ANKRD37: variants seen among roughly 807,000 people sequenced by gnomAD.
The protein encoded by ANKRD37 is ankyrin repeat domain-containing protein 37.
Under a neutral mutation model 19.7 loss-of-function variants are expected in ANKRD37, and 17 were observed. That is an observed-to-expected ratio of 0.86 (90% CI 0.59 to 1.29). The LOEUF (loss-of-function observed/expected upper bound fraction) is 1.29, where lower values mean the gene tolerates loss of function less well. Among genes scored for constraint, ANKRD37 ranks in the 50% most tolerant of loss-of-function variants. The pLI, the probability that ANKRD37 is intolerant of heterozygous loss-of-function variation, is 0.00. For missense variants in ANKRD37, 207 were observed against 190.4 expected (o/e 1.09, Z -0.51); for synonymous variants, 79 against 74.5 (o/e 1.06, Z -0.31).
Position 185,397,044 on chromosome 4 carries a change from G to C in ANKRD37, c.27+94G>C, listed in dbSNP as rs923345002. The C allele has an allele frequency of 6.8e-6, 11 of 1,609,060 alleles. No homozygotes were observed. In the Admixed American group the frequency reaches 1.7e-4, roughly 24 times the overall value. ...TTAATGCGGGGACGGACCACTGGGC[G>C]CTGCCTGGTCAGAGCTGGTTGTGAA... On this transcript the variant is annotated intron_variant, in intron 1 of 4. Transcript: ENST00000335174.
Position 185,399,972 on chromosome 4 carries a change from CTT to C in ANKRD37, c.*-41_*-40del, listed in dbSNP as rs573004425. The stretch of plus-strand genomic sequence containing the variant: ...ATGGTGGAAGTTTGGGGATAAAACT[CTT>C]TTTAAAAAAAAGTTTTTAATGTTAA... On this transcript the variant is annotated intron_variant, in intron 4 of 4. Coordinates refer to ENST00000335174, the MANE Select transcript of ANKRD37 (RefSeq NM_181726.4). 7 of 1,592,180 alleles carry C rather than the reference CTT, an allele frequency of 4.4e-6. No individual in the cohort carries two copies. In the East Asian group the frequency reaches 1.3e-4, roughly 31 times the overall value.
rs1462185173 is a variant in ANKRD37, at chr4:185,399,853, T to C, written c.476+80T>C. 3.2e-6 allele frequency: 5 copies of C among 1,579,446 alleles called. No individual in the cohort carries two copies. In the African/African-American group the frequency reaches 6.8e-5, roughly 21 times the overall value. On this transcript the variant is annotated intron_variant, in intron 4 of 4. Transcript: ENST00000335174. ...TAGCATTTATTATTCCATTTAATAC[T>C]GACACTCGTATTTCTAGTAGTATTG...
In ANKRD37 at chr4:185,399,164, A is replaced by T. The variant is rs138506459; in HGVS notation, c.272+136A>T. On this transcript the variant is annotated intron_variant, in intron 3 of 4. Coordinates refer to ENST00000335174, the MANE Select transcript of ANKRD37 (RefSeq NM_181726.4). Reference sequence around the variant, plus strand: ...ATTTAGTGTTAATCATTTAAATGTTAACTTAGGTTGTTGGTGCTATCGAAT... The same window carrying T: ...ATTTAGTGTTAATCATTTAAATGTTTACTTAGGTTGTTGGTGCTATCGAAT... The T allele has an allele frequency of 1.6e-3, 1,262 of 795,668 alleles. 6 individuals carry two copies. In the African/African-American group the frequency reaches 0.018, roughly 12 times the overall value. 49.3% of individuals were successfully genotyped at this position (795,668 alleles called of 1,614,324 possible).
In ANKRD37 at chr4:185,397,004, A is replaced by G. The variant is rs2095505260; in HGVS notation, c.27+54A>G. 6 of 1,611,726 alleles carry G rather than the reference A, an allele frequency of 3.7e-6. No individual in the cohort carries two copies. In the African/African-American group the frequency reaches 5.3e-5, roughly 14 times the overall value. On this transcript the variant is annotated intron_variant, in intron 1 of 4. Coordinates refer to ENST00000335174, the MANE Select transcript of ANKRD37 (RefSeq NM_181726.4). Reference sequence around the variant, plus strand: ...TTTTGTCCTGCAGGCTCAAGCTTCTAGATTCGTCTTCTCGTTAATGCGGGG... The same window carrying G: ...TTTTGTCCTGCAGGCTCAAGCTTCTGGATTCGTCTTCTCGTTAATGCGGGG...
chr4:185,397,459 G>GT (rs1561101705), intron 2 of ANKRD37, 157 bp downstream of exon 2: 10 of 1,061,330 alleles, frequency 9.4e-6, no homozygotes, highest in Non-Finnish European at 1.3e-5. Context: ...TAATTTAAGA[G>GT]TTTTTTTCCA....
chr4:185,400,277 A>T, downstream of ANKRD37: 2 of 892,578 alleles, frequency 2.2e-6, no homozygotes, highest in Non-Finnish European at 1.7e-6. Context: ...CCTTTGAAAA[A>T]GGTCATAATT....
Position 185,400,055 on chromosome 4 carries a change from C to T in ANKRD37, c.*38C>T, listed in dbSNP as rs9999683. On this transcript the variant is annotated 3_prime_UTR_variant, in exon 5 of 5. Coordinates refer to ENST00000335174, the MANE Select transcript of ANKRD37 (RefSeq NM_181726.4). ...TATGAAGAAGTCTGAAGAACGCCTT[C>T]ATTTCATGCAAATCTATAAGCTCCT... is the stretch of plus-strand genomic sequence containing the variant. 1,749 of 1,536,550 alleles carry T rather than the reference C, an allele frequency of 1.1e-3. 17 individuals carry two copies. In the African/African-American group the frequency reaches 0.022, roughly 19 times the overall value.
Position 185,400,042 on chromosome 4 carries a change from T to C in ANKRD37, c.*25T>C, listed in dbSNP as rs199667874. The C allele has an allele frequency of 2.5e-6, 4 of 1,574,070 alleles. No individual in the cohort carries two copies. The African/African-American group carries it at 4.1e-5, about 16-fold the overall frequency. On this transcript the variant is annotated 3_prime_UTR_variant, in exon 5 of 5. Coordinates refer to ENST00000335174, the MANE Select transcript of ANKRD37 (RefSeq NM_181726.4). ...ATGTCACGTGGGTTATGAAGAAGTC[T>C]GAAGAACGCCTTCATTTCATGCAAA... is the stretch of plus-strand genomic sequence containing the variant.
At position 185,399,720 on chromosome 4, in the gene ANKRD37, A is replaced by G. The variant is rs551625386; in HGVS notation, c.423A>G (p.Arg141=). 1.7e-5 allele frequency: 27 copies of G among 1,614,184 alleles called. No homozygotes were observed. In the African/African-American group the frequency reaches 3.1e-4, roughly 18 times the overall value. Residue 141 remains arginine (R), a synonymous_variant, in exon 4 of 5, where the codon AGA becomes AGG. Transcript: ENST00000335174. The stretch of plus-strand genomic sequence containing the variant: ...GGAATGATTGTGTTGCCGTGCTCAG[A>G]CAGAAACGGAGTCTCGGAAGTGTAG... ...PDRNDCVAVL[R]QKRSLGSVEN...
At chr4:185,398,233 C>CA (rs1434071590) in intron 2 of ANKRD37, among the ~76,000 whole-genome samples, 2 of 152,216 alleles carry the variant, frequency 1.3e-5, no homozygotes, top group African/African-American at 4.8e-5. Flanking sequence ...GGTGGGATTA[C>CA]AGGCGTGAGC....
chr4:185,399,941 G>A, intron 4 of ANKRD37, 76 bp from the exon 5 acceptor site: 2 of 1,566,396 alleles, frequency 1.3e-6, no homozygotes, highest in Non-Finnish European at 1.7e-6. Context: ...CCAAAAATGG[G>A]ACTGCATGGT....
Position 185,396,913 on chromosome 4 carries a change from T to G in ANKRD37, c.-11T>G. The G allele has an allele frequency of 6.2e-7, 1 of 1,613,460 alleles. No individual in the cohort carries two copies. The highest frequency in any genetic ancestry group is 8.5e-7 in the Non-Finnish European group (1 of 1,180,000). On this transcript the variant is annotated 5_prime_UTR_variant, in exon 1 of 5. Transcript: ENST00000335174. ...CTTCCAAGGACTCTTGTCATCTGCC[T>G]TAGGCGGGAAATGCTGTTGCTGGAT...
chr4:185,396,878 C>CGTG lies in ANKRD37; in HGVS notation c.-46_-45insGTG. Reference sequence around the variant, plus strand: ...CTGTCGGGGTGCGGCGAGTGTCTCACCTCTCTGCACTTCCAAGGACTCTTG... The same window carrying CGTG: ...CTGTCGGGGTGCGGCGAGTGTCTCACGTGCTCTCTGCACTTCCAAGGACTCTTG... On this transcript the variant is annotated 5_prime_UTR_variant, in exon 1 of 5. Coordinates refer to ENST00000335174, the MANE Select transcript of ANKRD37 (RefSeq NM_181726.4). 1 of 1,607,706 alleles carries CGTG rather than the reference C, an allele frequency of 6.2e-7. No individual in the cohort carries two copies. The highest frequency in any genetic ancestry group is 2.2e-5 in the East Asian group (1 of 44,856).
At chr4:185,400,655 AG>A, downstream of ANKRD37, 1 of 438,638 alleles carries the variant, frequency 2.3e-6, no homozygotes. Flanking sequence ...CCTTTAAGGT[AG>A]GTTTTTGAAC....
intron 2 of ANKRD37, 157 bp downstream of exon 2, chr4:185,397,459 GTTT>G: frequency 9.4e-7 from 1 of 1,061,340 alleles, no homozygotes; most frequent in South Asian, 1.8e-5. Context: ...TAATTTAAGA[GTTT>G]TTTTCCAGTC....
At chr4:185,399,458 C>A in intron 3 of ANKRD37, 112 bp from the exon 4 acceptor site, 1 of 1,148,952 alleles carries the variant, frequency 8.7e-7, no homozygotes, top group Non-Finnish European at 1.2e-6. Flanking sequence ...CATCCTTTAC[C>A]TCTTCTGTTC....
rs776065978 is a variant in ANKRD37, at chr4:185,396,968, A to T, written c.27+18A>T. 47 of 1,613,142 alleles carry T rather than the reference A, an allele frequency of 2.9e-5. No homozygotes were observed. Among genetic ancestry groups the T allele is most frequent in the Non-Finnish European group, 3.8e-5 (45 of 1,179,910 alleles). On this transcript the variant is annotated intron_variant, in intron 1 of 4. Transcript: ENST00000335174. Reference sequence around the variant, plus strand: ...ACCCCGAGGTGAGATTCGGGCTCACAGAGCCCGAGCTTTTGTCCTGCAGGC... The same window carrying T: ...ACCCCGAGGTGAGATTCGGGCTCACTGAGCCCGAGCTTTTGTCCTGCAGGC...
In ANKRD37 at chr4:185,399,417, C is replaced by T. The variant is rs141663627; in HGVS notation, c.273-153C>T. On this transcript the variant is annotated intron_variant, in intron 3 of 4. Coordinates refer to ENST00000335174, the MANE Select transcript of ANKRD37 (RefSeq NM_181726.4). ...TGGATTCTGTTAGTTGCTGAGGATA[C>T]AATAGTGACCAAAAATGCAATTTCC... 103 of 733,720 alleles carry T rather than the reference C, an allele frequency of 1.4e-4. No individual in the cohort carries two copies. In the East Asian group the frequency reaches 2.5e-3, roughly 17 times the overall value. 45.5% of individuals were successfully genotyped at this position (733,720 alleles called of 1,614,324 possible). A position where few individuals can be genotyped will look rare whatever the true frequency, so the allele number is the denominator to read the frequency against.
At chr4:185,398,890 C>G in intron 2 of ANKRD37, 47 bp from the exon 3 acceptor site, 2 of 1,480,324 alleles carry the variant, frequency 1.4e-6, no homozygotes, top group South Asian at 2.3e-5. Context: ...TCAACTTTCA[C>G]AAAAAGTGTT....
Sources: allele counts gnomAD v4.1 joint callset (sites outside exome capture counted in the v4.1 genomes callset), GRCh38; gene constraint gnomAD v4.1.1; transcripts MANE v1.5; gene names NCBI Gene and HGNC (gene_info 2026-07-23, HGNC 2026-07-21).